STAMBP: variants seen among roughly 807,000 people sequenced by gnomAD.
STAMBP encodes STAM binding protein.
STAMBP carries 31 observed loss-of-function variants against 50.7 expected under a neutral mutation model. That is an observed-to-expected ratio of 0.61 (90% confidence interval 0.46 to 0.83). The LOEUF (loss-of-function observed/expected upper bound fraction) is 0.83. Among genes scored for constraint, STAMBP ranks in the 40% least tolerant of loss-of-function variants. The pLI is 0.00. For synonymous variants in STAMBP, 211 were observed against 192.4 expected (o/e 1.10, Z -0.80); for missense variants, 472 against 518.9 (o/e 0.91, Z 0.88).
intron 2 of STAMBP, among the ~76,000 whole-genome samples, chr2:73,843,911 A>G (rs1573306964): frequency 6.6e-6 from 1 of 152,248 alleles, no homozygotes; most frequent in African/African-American, 2.4e-5. Flanking sequence ...TAATTCTGTT[A>G]AAAGACATCT....
At chr2:73,860,583 C>T in intron 9 of STAMBP, 1 of 983,834 alleles carries the variant, frequency 1.0e-6, no homozygotes, top group South Asian at 4.7e-5. Flanking sequence ...GAAGCCACTT[C>T]AGATAGGTAA....
chr2:73,829,781 C>A (rs1673676587), intron 1 of STAMBP, among the ~76,000 whole-genome samples: 1 of 152,068 alleles, frequency 6.6e-6, no homozygotes, highest in Non-Finnish European at 1.5e-5. Flanking sequence ...AGAAGACTAC[C>A]CCTGAGGGAA....
Position 73,865,360 on chromosome 2 carries a change from C to T in STAMBP, c.*3101C>T, listed in dbSNP as rs886402694. On this transcript the variant is annotated 3_prime_UTR_variant, in exon 10 of 10. Coordinates refer to ENST00000394070, the MANE Select transcript of STAMBP (RefSeq NM_213622.4). ...ATATTGTGCCTCCCATCCCTCATAT[C>T]TCAGTGTTTTAACCCCACCTGAGTT... is the stretch of plus-strand genomic sequence containing the variant. The T allele has an allele frequency of 2.0e-5, 3 of 152,184 alleles. No individual in the cohort carries two copies. The highest frequency in any genetic ancestry group is 2.9e-5 in the Non-Finnish European group (2 of 68,052). 9.4% of individuals were successfully genotyped at this position (152,184 alleles called of 1,614,324 possible).
At chr2:73,851,636 G>GGT (rs1558582820) in intron 7 of STAMBP, among the ~76,000 whole-genome samples, 1 of 147,650 alleles carries the variant, frequency 6.8e-6, no homozygotes, top group Non-Finnish European at 1.5e-5. Context: ...AACAGTGGTA[G>GGT]ATTTTTTTTT....
chr2:73,852,304 T>C (rs1676926047), intron 7 of STAMBP, among the ~76,000 whole-genome samples: 2 of 152,108 alleles, frequency 1.3e-5, no homozygotes, highest in Non-Finnish European at 1.5e-5. Flanking sequence ...GCAGTGATCA[T>C]CTCATAAGCA....
At chr2:73,860,394 T>A in intron 9 of STAMBP, 1 of 538,742 alleles carries the variant, frequency 1.9e-6, no homozygotes, top group Admixed American at 4.3e-5. Flanking sequence ...AGTTTTCCCA[T>A]CTATAAAATA....
chr2:73,871,477 G>T (rs1054736057), downstream of STAMBP, among the ~76,000 whole-genome samples: 2 of 151,828 alleles, frequency 1.3e-5, no homozygotes, highest in Non-Finnish European at 2.9e-5. Flanking sequence ...GAACCCGGGA[G>T]GCAGAGGTTG....
chr2:73,856,591 C>T (rs954979889), intron 7 of STAMBP, among the ~76,000 whole-genome samples: 1 of 152,192 alleles, frequency 6.6e-6, no homozygotes, highest in Admixed American at 6.5e-5. Context: ...CACTGAGTGC[C>T]ATTCACAATT....
At chr2:73,833,664 C>T (rs957455406) in intron 2 of STAMBP, among the ~76,000 whole-genome samples, 1 of 152,066 alleles carries the variant, frequency 6.6e-6, no homozygotes, top group African/African-American at 2.4e-5. Context: ...CCTGAAGGGC[C>T]TTCAGAATCC....
chr2:73,845,623 T>G (rs1675960259), intron 4 of STAMBP, among the ~76,000 whole-genome samples: 1 of 151,156 alleles, frequency 6.6e-6, no homozygotes, highest in Non-Finnish European at 1.5e-5. Flanking sequence ...AAGAATTGAC[T>G]TTTCAAGCTA....
Position 73,860,210 on chromosome 2 carries a change from CT to C in STAMBP, c.1218+60del. 5 of 1,388,476 alleles carry C rather than the reference CT, an allele frequency of 3.6e-6. No individual in the cohort carries two copies. The South Asian group carries it at 5.9e-5, about 16-fold the overall frequency. The allele number at this position is 1,388,476 out of a possible 1,614,324, so 86.0% of individuals were successfully genotyped here. Reference sequence around the variant, plus strand: ...CTTCAAGCAGGGAGGACAGTCAGAGCTGATGAAATGCATCATCCTTTCTGAT... The same window carrying C: ...CTTCAAGCAGGGAGGACAGTCAGAGCGATGAAATGCATCATCCTTTCTGAT... On this transcript the variant is annotated intron_variant, in intron 9 of 9. Transcript: ENST00000394070.
chr2:73,868,505 A>G (rs1466504654), downstream of STAMBP, among the ~76,000 whole-genome samples: 1 of 152,210 alleles, frequency 6.6e-6, no homozygotes, highest in Non-Finnish European at 1.5e-5. Context: ...CAAAGGAAAC[A>G]AGCAGAAACA....
chr2:73,835,735 A>C (rs890286196), intron 2 of STAMBP, among the ~76,000 whole-genome samples: 38 of 152,176 alleles, frequency 2.5e-4, no homozygotes, highest in African/African-American at 9.2e-4. Context: ...AGGGTAGTCC[A>C]TGTATTGAGA....
chr2:73,851,108 G>T (rs192765647), intron 7 of STAMBP, among the ~76,000 whole-genome samples: 2 of 152,246 alleles, frequency 1.3e-5, no homozygotes, highest in East Asian at 3.9e-4. Flanking sequence ...AGCCCAAGCT[G>T]CATTTTATGC....
In STAMBP at chr2:73,830,827, CTG is replaced by C; in HGVS notation, c.-12-16_-12-15del. The C allele has an allele frequency of 6.2e-7, 1 of 1,603,348 alleles. No homozygotes were observed. Among genetic ancestry groups the C allele is most frequent in the Non-Finnish European group, 8.5e-7 (1 of 1,173,126 alleles). ...ATGAGGGCAACGGTATTGATGCCATCTGTTTTTTCTGTCTCAGAACTTGGTCC... is the reference window on the plus strand; with the variant it reads ...ATGAGGGCAACGGTATTGATGCCATCTTTTTTCTGTCTCAGAACTTGGTCC... On this transcript the variant is annotated splice_polypyrimidine_tract_variant and intron_variant, in intron 1 of 9. Coordinates refer to ENST00000394070, the MANE Select transcript of STAMBP (RefSeq NM_213622.4).
intron 7 of STAMBP, among the ~76,000 whole-genome samples, chr2:73,853,019 A>G (rs1016859631): frequency 6.6e-6 from 1 of 150,924 alleles, no homozygotes; most frequent in Non-Finnish European, 1.5e-5. Context: ...TGACCTTGTG[A>G]TCCTCGTGAT....
Position 73,829,202 on chromosome 2 carries a change from A to G in STAMBP, c.-321A>G, listed in dbSNP as rs1350202211. 6.6e-6 allele frequency: 1 copy of G among 152,206 alleles called. No homozygotes were observed. The highest frequency in any genetic ancestry group is 2.4e-5 in the African/African-American group (1 of 41,448). 9.4% of individuals were successfully genotyped at this position (152,206 alleles called of 1,614,324 possible). On this transcript the variant is annotated 5_prime_UTR_variant, in exon 1 of 10. Transcript: ENST00000394070. ...GGCCCAGCGGTTCCCCGCCTACTGCATTTGAAAGATCCCGAAAACCCTGGA... is the reference window on the plus strand; with the variant it reads ...GGCCCAGCGGTTCCCCGCCTACTGCGTTTGAAAGATCCCGAAAACCCTGGA...
chr2:73,858,447 G>GT (rs1230246362), intron 7 of STAMBP, among the ~76,000 whole-genome samples: 1 of 151,556 alleles, frequency 6.6e-6, no homozygotes, highest in Non-Finnish European at 1.5e-5. Flanking sequence ...GCCTGTTTTT[G>GT]TTTTTTCTTT....
Position 73,865,719 on chromosome 2 carries a change from A to G in STAMBP, c.*3460A>G, listed in dbSNP as rs1162811349. 2.0e-5 allele frequency: 3 copies of G among 152,220 alleles called. No homozygotes were observed. Among genetic ancestry groups the G allele is most frequent in the African/African-American group, 4.8e-5 (2 of 41,458 alleles). The allele number at this position is 152,220 out of a possible 1,614,324, so 9.4% of individuals were successfully genotyped here. A position where few individuals can be genotyped will look rare whatever the true frequency, so the allele number is the denominator to read the frequency against. ...AGGCCTACGTTAGTTGAAAGATGCT[A>G]TAAAGATATAAGGGATTTGTTACTT... On this transcript the variant is annotated 3_prime_UTR_variant, in exon 10 of 10. Coordinates refer to ENST00000394070, the MANE Select transcript of STAMBP (RefSeq NM_213622.4).
Sources: allele counts gnomAD v4.1 joint callset (sites outside exome capture counted in the v4.1 genomes callset), GRCh38; gene constraint gnomAD v4.1.1; transcripts MANE v1.5; gene names NCBI Gene and HGNC (gene_info 2026-07-23, HGNC 2026-07-21).